The following ANKRD10 variants were observed in gnomAD, a reference collection of about 807,000 sequenced individuals.
ANKRD10 encodes ankyrin repeat domain-containing protein 10.
ANKRD10 carries 14 observed loss-of-function variants against 27.0 expected under a neutral mutation model. That is an observed-to-expected ratio of 0.52 (90% CI 0.34 to 0.81). ANKRD10 has a LOEUF of 0.81. Among genes scored for constraint, ANKRD10 ranks in the 40% least tolerant of loss-of-function variants. The pLI, the probability that ANKRD10 is intolerant of heterozygous loss-of-function variation, is 0.01. For missense variants in ANKRD10, 493 were observed against 544.0 expected, an observed-to-expected ratio of 0.91 and a Z score of 0.93; for synonymous variants, 250 against 224.5, an observed-to-expected ratio of 1.11 and a Z score of -1.01.
At chr13:110,880,749 C>T (rs564509293) in intron 5 of ANKRD10, among the ~76,000 whole-genome samples, 3 of 152,268 alleles carry the variant, frequency 2.0e-5, no homozygotes, top group East Asian at 1.9e-4. Flanking sequence ...CAGAAATCTA[C>T]GTAGTACTTC....
Position 110,902,134 on chromosome 13 carries a change from G to C in ANKRD10, c.455+3899C>G, listed in dbSNP as rs2065402562. The stretch of plus-strand genomic sequence containing the variant: ...CAGAGGACCTAAAATCAGAAAATAT[G>C]AATTCAGAGTCATAATTCTGGTAGA... On this transcript the variant is annotated intron_variant, in intron 3 of 5. Coordinates refer to ENST00000267339, the MANE Select transcript of ANKRD10 (RefSeq NM_017664.4). 2.0e-5 allele frequency among the ~76,000 whole-genome samples: 3 copies of C among 149,656 alleles called. No homozygotes were observed. In the South Asian group the frequency reaches 6.4e-4, roughly 32 times the overall value.
At chr13:110,912,215 T>G (rs965021160) in intron 1 of ANKRD10, among the ~76,000 whole-genome samples, 1 of 152,240 alleles carries the variant, frequency 6.6e-6, no homozygotes, top group African/African-American at 2.4e-5. Context: ...TATGCCTGAC[T>G]GCAAGCAATT....
intron 4 of ANKRD10, among the ~76,000 whole-genome samples, chr13:110,885,616 C>T (rs2064909429): frequency 6.6e-6 from 1 of 152,064 alleles, no homozygotes; most frequent in Non-Finnish European, 1.5e-5. Flanking sequence ...AAGAGCAGAT[C>T]CCCCAAGTGT....
At chr13:110,913,082 CATTTT>C (rs1327128939) in intron 1 of ANKRD10, among the ~76,000 whole-genome samples, 4 of 152,252 alleles carry the variant, frequency 2.6e-5, no homozygotes, top group South Asian at 4.1e-4. Context: ...TAAAAATTAC[CATTTT>C]AAAGTAACTA....
At position 110,900,781 on chromosome 13, in the gene ANKRD10, TTAAA is replaced by T. The variant is rs916095923; in HGVS notation, c.455+5248_455+5251del. The T allele has an allele frequency of 6.8e-6, 6 of 881,312 alleles. No homozygotes were observed. In the South Asian group the frequency reaches 7.0e-5, roughly 10 times the overall value. 54.6% of individuals were successfully genotyped at this position (881,312 alleles called of 1,614,324 possible). On this transcript the variant is annotated intron_variant, in intron 3 of 5. Transcript: ENST00000267339. ...GGCAATGGTTCATAATACAGGAAAC[TTAAA>T]TAATAAGGGATCACATATTTGCAGG...
intron 2 of ANKRD10, among the ~76,000 whole-genome samples, chr13:110,907,900 G>A (rs1187659093): frequency 6.6e-6 from 1 of 152,034 alleles, no homozygotes; most frequent in Non-Finnish European, 1.5e-5. Flanking sequence ...GGTCTTTAAA[G>A]CTATCCTTGG....
At chr13:110,900,108 C>A (rs145538306) in intron 3 of ANKRD10, among the ~76,000 whole-genome samples, 1 of 152,110 alleles carries the variant, frequency 6.6e-6, no homozygotes, top group Non-Finnish European at 1.5e-5. Context: ...AAATTTATAT[C>A]TAAGAATTCT....
intron 2 of ANKRD10, among the ~76,000 whole-genome samples, chr13:110,909,029 T>G (rs1481977186): frequency 6.6e-6 from 1 of 152,034 alleles, no homozygotes; most frequent in African/African-American, 2.4e-5. Flanking sequence ...GAGAGGAAGG[T>G]GGGAGACCCA....
rs748629372 is a variant in ANKRD10, at chr13:110,879,645, C to A, written c.1255G>T (p.Gly419Cys). Residue 419 changes from glycine to cysteine, a missense_variant, in exon 6 of 6, where the codon GGC becomes TGC. Transcript: ENST00000267339. ...GAGCCAGGTCAGCGTCTCTAGGAGC[C>A]GTGGTGCAGGTGCATGGTGCCCAGC... ...AVLGTMHLHH[G>C]S is the part of the protein sequence containing the mutation. 1.9e-6 allele frequency: 3 copies of A among 1,609,806 alleles called. No individual in the cohort carries two copies. The highest frequency in any genetic ancestry group is 1.7e-6 in the Non-Finnish European group (2 of 1,177,426).
At chr13:110,887,513 G>A (rs939244756) in intron 4 of ANKRD10, among the ~76,000 whole-genome samples, 2 of 152,132 alleles carry the variant, frequency 1.3e-5, no homozygotes, top group Non-Finnish European at 2.9e-5. Flanking sequence ...AAAAATGCCT[G>A]ATCACAACTT....
intron 4 of ANKRD10, among the ~76,000 whole-genome samples, chr13:110,889,988 T>C (rs1406569583): frequency 6.6e-6 from 1 of 152,184 alleles, no homozygotes; most frequent in Non-Finnish European, 1.5e-5. Context: ...TAAATATTTT[T>C]ATATGTGAAG....
chr13:110,882,450 C>G (rs923180853), intron 5 of ANKRD10, among the ~76,000 whole-genome samples: 2 of 152,168 alleles, frequency 1.3e-5, no homozygotes, highest in African/African-American at 4.8e-5. Flanking sequence ...ATGGGAAACA[C>G]AGGGTGTATG....
chr13:110,898,750 C>CTTTTTTTTTTTT (rs56176208), intron 3 of ANKRD10, among the ~76,000 whole-genome samples: 2 of 106,556 alleles, frequency 1.9e-5, no homozygotes, highest in African/African-American at 3.5e-5. Flanking sequence ...TTTTTCTTTT[C>CTTTTTTTTTTTT]TTTTTTTTTT....
chr13:110,894,403 CAAAAAA>C (rs5806877), intron 3 of ANKRD10: 7 of 62,712 alleles, frequency 1.1e-4, no homozygotes, highest in South Asian at 9.4e-4. Flanking sequence ...ACTGTTAATG[CAAAAAA>C]AAAAAAAAAA....
Position 110,914,945 on chromosome 13 carries a change from C to T in ANKRD10, c.-11G>A, listed in dbSNP as rs1390693297. The T allele has an allele frequency of 2.6e-6, 4 of 1,528,784 alleles. No homozygotes were observed. Among genetic ancestry groups the T allele is most frequent in the African/African-American group, 1.4e-5 (1 of 72,680 alleles). The allele number at this position is 1,528,784 out of a possible 1,614,324, so 94.7% of individuals were successfully genotyped here. On this transcript the variant is annotated 5_prime_UTR_variant, in exon 1 of 6. Transcript: ENST00000267339. ...TCCCGCCGCCGACATGGTCCGTCAC[C>T]GGAGAGCGCGGGGCTCGCTGGCCTA...
At chr13:110,898,540 C>T (rs1186916477) in intron 3 of ANKRD10, among the ~76,000 whole-genome samples, 2 of 152,044 alleles carry the variant, frequency 1.3e-5, no homozygotes, top group Non-Finnish European at 2.9e-5. Context: ...TTTTTAAATA[C>T]TCCATCCTTT....
intron 3 of ANKRD10, chr13:110,895,138 G>A (rs2065193946): frequency 6.6e-6 from 1 of 152,136 alleles, no homozygotes; most frequent in South Asian, 2.1e-4. Flanking sequence ...GCATAGACTT[G>A]CTCTCCAAAA....
rs78367415 is a variant in ANKRD10 at position 110,898,161 on chromosome 13, T to C, written c.456-4898A>G. 9.5e-3 allele frequency among the ~76,000 whole-genome samples: 1,453 copies of C among 152,236 alleles called. 20 individuals carry two copies. Among genetic ancestry groups the C allele is most frequent in the African/African-American group, 0.031 (1,305 of 41,538 alleles). On this transcript the variant is annotated intron_variant, in intron 3 of 5. Coordinates refer to ENST00000267339, the MANE Select transcript of ANKRD10 (RefSeq NM_017664.4). The stretch of plus-strand genomic sequence containing the variant: ...CAATCATTCCTATTCCTAAATTGAG[T>C]GTTTTTGGTTACATGTTCTAAGTGC...
At chr13:110,901,821 G>T (rs562187936) in intron 3 of ANKRD10, among the ~76,000 whole-genome samples, 1 of 152,200 alleles carries the variant, frequency 6.6e-6, no homozygotes, top group South Asian at 2.1e-4. Context: ...TGGAAGGACT[G>T]CTTGAGCCCA....
Sources: allele counts gnomAD v4.1 joint callset (sites outside exome capture counted in the v4.1 genomes callset), GRCh38; gene constraint gnomAD v4.1.1; transcripts MANE v1.5; gene names NCBI Gene and HGNC (gene_info 2026-07-23, HGNC 2026-07-21).